The following SLC4A4 variants were observed in gnomAD, a reference collection of about 807,000 sequenced individuals.
SLC4A4 encodes solute carrier family 4 member 4.
In SLC4A4, 27 loss-of-function variants were observed where a neutral mutation model predicts 111.5. That is an observed-to-expected ratio of 0.24 (90% CI 0.18 to 0.33). The LOEUF is 0.33. Ranked by LOEUF, SLC4A4 falls within the 10% of genes least tolerant of loss-of-function variation. SLC4A4 has a pLI of 1.00. For synonymous variants in SLC4A4, 443 were observed against 463.4 expected, an observed-to-expected ratio of 0.96 and a Z score of 0.57; for missense variants, 909 against 1,315.5, an observed-to-expected ratio of 0.69 and a Z score of 4.78.
At chr4:71,382,132 C>T (rs1718202014) in intron 6 of SLC4A4, among the ~76,000 whole-genome samples, 1 of 151,576 alleles carries the variant, frequency 6.6e-6, no homozygotes, top group Non-Finnish European at 1.5e-5. Flanking sequence ...ATTGAGACTC[C>T]TGATGTTTTT....
intron 14 of SLC4A4, among the ~76,000 whole-genome samples, chr4:71,481,815 T>G (rs10518088): frequency 0.012 from 1,806 of 151,792 alleles, 40 homozygotes; most frequent in African/African-American, 0.04. Context: ...GAAAGAGATA[T>G]GAAAATCCAA....
chr4:71,390,240 C>T (rs16846326), intron 6 of SLC4A4, among the ~76,000 whole-genome samples: 5,031 of 152,214 alleles, frequency 0.033, 200 homozygotes, highest in East Asian at 0.15. Flanking sequence ...TCATTGTAAG[C>T]ATCCTAAGTG....
chr4:71,405,893 C>T lies in SLC4A4; in HGVS notation c.807+8240C>T, dbSNP rs147488356. Among the ~76,000 whole-genome samples, 58 of 152,086 alleles carry T rather than the reference C, an allele frequency of 3.8e-4. 1 individual carries two copies. The East Asian group carries it at 9.1e-3, about 24-fold the overall frequency. Reference sequence around the variant, plus strand: ...TATTTTCCTGATCTAATTGGACGTCCGAGCTGGCTAATCACTTGTATTCTG... The same window carrying T: ...TATTTTCCTGATCTAATTGGACGTCTGAGCTGGCTAATCACTTGTATTCTG... On this transcript the variant is annotated intron_variant, in intron 7 of 25. Transcript: ENST00000264485.
rs1578210428 is a variant in SLC4A4, at chr4:71,572,043, C to A, written c.*4292C>A. On this transcript the variant is annotated 3_prime_UTR_variant, in exon 26 of 26. Transcript: ENST00000264485. ...GAGATATTTTAGCATTTATATTTTT[C>A]AAAATTATATGTATACTTAAAAATA... 1 of 152,038 alleles carries A rather than the reference C, an allele frequency of 6.6e-6. No homozygotes were observed. The highest frequency in any genetic ancestry group is 2.4e-5 in the African/African-American group (1 of 41,330). 9.4% of individuals were successfully genotyped at this position (152,038 alleles called of 1,614,324 possible).
intron 2 of SLC4A4, among the ~76,000 whole-genome samples, chr4:71,155,389 C>A (rs1218500241): frequency 2.6e-5 from 4 of 152,164 alleles, no homozygotes; most frequent in Non-Finnish European, 5.9e-5. Flanking sequence ...TCAGTGGTCT[C>A]ATCTTTAAGA....
intron 1 of SLC4A4, among the ~76,000 whole-genome samples, chr4:71,074,826 G>T (rs1287339014): frequency 6.6e-6 from 1 of 152,218 alleles, no homozygotes; most frequent in Non-Finnish European, 1.5e-5. Context: ...GAGTTGCTCA[G>T]CAGGGACTGC....
intron 2 of SLC4A4, among the ~76,000 whole-genome samples, chr4:71,129,287 A>T (rs1322476774): frequency 6.6e-6 from 1 of 152,218 alleles, no homozygotes; most frequent in Non-Finnish European, 1.5e-5. Context: ...AAGAGACCTC[A>T]TTAAAAAGTG....
intron 16 of SLC4A4, among the ~76,000 whole-genome samples, chr4:71,498,899 C>T (rs1419282066): frequency 6.6e-6 from 1 of 152,160 alleles, no homozygotes; most frequent in Non-Finnish European, 1.5e-5. Context: ...AGAATCTGTA[C>T]TTTGCAGATA....
intron 6 of SLC4A4, among the ~76,000 whole-genome samples, chr4:71,396,843 G>A (rs774751366): frequency 6.6e-6 from 1 of 152,140 alleles, no homozygotes; most frequent in Non-Finnish European, 1.5e-5. Flanking sequence ...AGGGAGATTG[G>A]TTCCCATGTA....
Position 71,113,056 on chromosome 4 carries a change from G to A in SLC4A4, c.-2+20264G>A, listed in dbSNP as rs192263312. On this transcript the variant is annotated intron_variant, in intron 2 of 26. Coordinates refer to the SLC4A4 transcript ENST00000649996. ...AAGATCTGCTGTAAAGTGCGAGGGT[G>A]AATTCCTCCAGAGGGCATGAGGGAC... Among the ~76,000 whole-genome samples the A allele has an allele frequency of 4.5e-3, 692 of 152,298 alleles. 4 individuals carry two copies. Among genetic ancestry groups the A allele is most frequent in the Non-Finnish European group, 5.6e-3 (384 of 68,022 alleles).
chr4:71,067,793 G>A (rs915497319), intron 1 of SLC4A4, among the ~76,000 whole-genome samples: 7 of 151,808 alleles, frequency 4.6e-5, no homozygotes, highest in African/African-American at 1.7e-4. Flanking sequence ...TTGCTGCCCA[G>A]TCTAGAGTGC....
intron 2 of SLC4A4, among the ~76,000 whole-genome samples, chr4:71,158,779 C>T (rs879274931): frequency 1.1e-4 from 16 of 152,010 alleles, no homozygotes; most frequent in Admixed American, 2.0e-4. Context: ...TGGGTGAGGG[C>T]GGAGGAGAGT....
chr4:71,098,914 C>G (rs1199820956), intron 2 of SLC4A4, among the ~76,000 whole-genome samples: 5 of 152,126 alleles, frequency 3.3e-5, no homozygotes, highest in Non-Finnish European at 7.4e-5. Flanking sequence ...CCTTACTACC[C>G]TAAACACATA....
intron 24 of SLC4A4, among the ~76,000 whole-genome samples, chr4:71,565,416 A>T (rs527641110): frequency 6.6e-6 from 1 of 151,518 alleles, no homozygotes; most frequent in South Asian, 2.1e-4. Context: ...GGATCCCTGA[A>T]CTCTCACCCT....
chr4:71,313,087 A>T (rs1051781445), intron 3 of SLC4A4, among the ~76,000 whole-genome samples: 4 of 152,254 alleles, frequency 2.6e-5, no homozygotes, highest in African/African-American at 4.8e-5. Flanking sequence ...AAGTCTCAGG[A>T]TACAAAATCA....
chr4:71,183,800 C>A (rs564872827), upstream of SLC4A4, among the ~76,000 whole-genome samples: 23 of 152,268 alleles, frequency 1.5e-4, no homozygotes, highest in African/African-American at 5.5e-4. Context: ...CAGACTTTCG[C>A]CAATGAACCA....
intron 4 of SLC4A4, among the ~76,000 whole-genome samples, chr4:71,342,223 C>T (rs149006877): frequency 2.0e-5 from 3 of 152,164 alleles, no homozygotes; most frequent in Non-Finnish European, 4.4e-5. Flanking sequence ...GAACCAATAA[C>T]CTGTATAGAA....
chr4:71,560,315 C>T (rs1359073051), intron 23 of SLC4A4, 61 bp downstream of exon 23: 2 of 1,522,038 alleles, frequency 1.3e-6, no homozygotes, highest in Non-Finnish European at 8.9e-7. Context: ...GAAAATTGTC[C>T]CTTTTTATAC....
At chr4:71,291,303 C>T (rs187629802) in intron 3 of SLC4A4, among the ~76,000 whole-genome samples, 2 of 152,172 alleles carry the variant, frequency 1.3e-5, no homozygotes, top group African/African-American at 4.8e-5. Context: ...ACGTTGTGCA[C>T]ATGTACCCTA....
Sources: gnomAD v4.1 joint callset for allele counts (sites outside exome capture counted in the v4.1 genomes callset) on GRCh38, gnomAD v4.1.1 for gene constraint, MANE v1.5 for transcripts, NCBI Gene and HGNC (gene_info 2026-07-23, HGNC 2026-07-21) for gene names.